PTPRQ: variants seen among roughly 807,000 people sequenced by gnomAD.
The protein encoded by PTPRQ is protein tyrosine phosphatase receptor type Q.
Under a neutral mutation model 246.0 loss-of-function variants are expected in PTPRQ, and 199 were observed. That is an observed-to-expected ratio of 0.81 (90% CI 0.72 to 0.91). The LOEUF (loss-of-function observed/expected upper bound fraction) is 0.91. PTPRQ is among the 40% of genes least tolerant of loss of function. The pLI, the probability that PTPRQ is intolerant of heterozygous loss-of-function variation, is 0.00. For missense variants in PTPRQ, 2,624 were observed against 2,528.4 expected (o/e 1.04, Z -0.81); for synonymous variants, 869 against 853.2 (o/e 1.02, Z -0.32).
At chr12:80,642,940 A>C (rs911588009) in intron 35 of PTPRQ, among the ~76,000 whole-genome samples, 29 of 138,338 alleles carry the variant, frequency 2.1e-4, no homozygotes, top group Admixed American at 8.7e-4. Context: ...AAAAAAAAAA[A>C]AAAAAACAAT....
chr12:80,638,694 C>T (rs1303870883), intron 35 of PTPRQ, among the ~76,000 whole-genome samples: 2 of 152,112 alleles, frequency 1.3e-5, no homozygotes, highest in African/African-American at 4.8e-5. Context: ...TGCCTTCTCT[C>T]ACTCTATCAT....
chr12:80,667,714 T>C (rs1283902516), intron 39 of PTPRQ, among the ~76,000 whole-genome samples: 2 of 151,978 alleles, frequency 1.3e-5, no homozygotes, highest in Non-Finnish European at 2.9e-5. Context: ...TTAATGGTCC[T>C]TCACTCTGGA....
intron 26 of PTPRQ, among the ~76,000 whole-genome samples, chr12:80,594,481 G>A (rs1432841776): frequency 6.6e-6 from 1 of 152,060 alleles, no homozygotes; most frequent in Non-Finnish European, 1.5e-5. Context: ...AGTTACACAG[G>A]ACTCCCTAAT....
Position 80,632,308 on chromosome 12 carries a change from C to T in PTPRQ, c.5786+17C>T. The T allele has an allele frequency of 1.3e-6, 2 of 1,551,146 alleles. No homozygotes were observed. Among genetic ancestry groups the T allele is most frequent in the Non-Finnish European group, 1.7e-6 (2 of 1,146,794 alleles). ...ATTTGCAAGGTAAGATTTATTTGCG[C>T]TTACATTCCAGGATGCTTTATGGGC... On this transcript the variant is annotated intron_variant, in intron 34 of 44. Transcript: ENST00000644991.
intron 33 of PTPRQ, among the ~76,000 whole-genome samples, chr12:80,629,850 G>A (rs1899355054): frequency 6.6e-6 from 1 of 152,218 alleles, no homozygotes; most frequent in Middle Eastern, 3.4e-3. Flanking sequence ...AAAGTGAATG[G>A]AACATACATA....
intron 17 of PTPRQ, among the ~76,000 whole-genome samples, chr12:80,530,863 A>C (rs1334137686): frequency 6.6e-6 from 1 of 152,094 alleles, no homozygotes; most frequent in Non-Finnish European, 1.5e-5. Flanking sequence ...TAAAATTTTA[A>C]AAAGCATTCA....
chr12:80,450,093 G>A (rs11519621), intron 3 of PTPRQ, among the ~76,000 whole-genome samples: 47,504 of 151,720 alleles, frequency 0.31, 7,787 homozygotes, highest in African/African-American at 0.37. Context: ...GGTCCTTCAC[G>A]TCCCTTGTAA....
intron 25 of PTPRQ, among the ~76,000 whole-genome samples, chr12:80,574,765 C>T (rs34673271): frequency 0.06 from 9,079 of 152,148 alleles, 480 homozygotes; most frequent in African/African-American, 0.14. Context: ...GGTTGTTATA[C>T]GTGTCAGCTA....
intron 17 of PTPRQ, among the ~76,000 whole-genome samples, chr12:80,522,269 C>T (rs888251007): frequency 1.3e-5 from 2 of 152,240 alleles, no homozygotes; most frequent in East Asian, 1.9e-4. Context: ...TGGGCTGAGA[C>T]GATGGAGTTT....
intron 3 of PTPRQ, chr12:80,454,530 A>G (rs573823756): frequency 8.0e-5 from 56 of 702,340 alleles, no homozygotes; most frequent in South Asian, 7.8e-4. Context: ...GAGAGTAGAC[A>G]TCCTACTTTT....
intron 19 of PTPRQ, among the ~76,000 whole-genome samples, chr12:80,535,587 A>G (rs1895962723): frequency 6.6e-6 from 1 of 152,186 alleles, no homozygotes; most frequent in Non-Finnish European, 1.5e-5. Context: ...TTAATTTGTC[A>G]TAGATAAGAT....
chr12:80,541,713 A>G lies in PTPRQ; in HGVS notation c.3313A>G (p.Thr1105Ala), dbSNP rs186746372. Residue 1105 changes from threonine (T) to alanine (A), a missense_variant, in exon 21 of 45, where the codon ACA becomes GCA. Coordinates refer to ENST00000644991, the MANE Select transcript of PTPRQ (RefSeq NM_001145026.2). ...TCGCCATGTGAGACCACCTCTTGTT[A>G]CATATGAGAGAAGCATATATTTTGA... is the stretch of plus-strand genomic sequence containing the variant. ...TPRHVRPPLVTYERSIYFDNL... is the reference protein window; with the variant it reads ...TPRHVRPPLVAYERSIYFDNL... 3,139 of 1,551,370 alleles carry G rather than the reference A, an allele frequency of 2.0e-3. 4 individuals carry two copies. Among genetic ancestry groups the G allele is most frequent in the Non-Finnish European group, 2.5e-3 (2,893 of 1,146,734 alleles).
At chr12:80,568,792 T>G (rs1245052283) in intron 25 of PTPRQ, among the ~76,000 whole-genome samples, 1 of 152,204 alleles carries the variant, frequency 6.6e-6, no homozygotes, top group Admixed American at 6.5e-5. Context: ...GACCAATCAA[T>G]GACAGATTTT....
chr12:80,602,429 G>A (rs1409533611), intron 26 of PTPRQ, among the ~76,000 whole-genome samples: 1 of 151,740 alleles, frequency 6.6e-6, no homozygotes, highest in East Asian at 1.9e-4. Context: ...CAGAGACTTG[G>A]TAATTTGTAA....
intron 26 of PTPRQ, among the ~76,000 whole-genome samples, chr12:80,600,077 A>C (rs1335239373): frequency 1.3e-5 from 2 of 151,884 alleles, no homozygotes; most frequent in Non-Finnish European, 2.9e-5. Flanking sequence ...CTTTTAAAAA[A>C]TGAAGAAAGA....
At chr12:80,620,068 A>G in intron 31 of PTPRQ, 86 bp from the exon 32 acceptor site, 1 of 1,423,140 alleles carries the variant, frequency 7.0e-7, no homozygotes, top group Non-Finnish European at 9.3e-7. Context: ...GAGTCCCCTT[A>G]TACAATTATA....
chr12:80,502,318 C>T (rs1444250393), intron 14 of PTPRQ, among the ~76,000 whole-genome samples: 1 of 151,756 alleles, frequency 6.6e-6, no homozygotes, highest in Non-Finnish European at 1.5e-5. Context: ...GAGGGCATAT[C>T]AGAGGTTTGT....
chr12:80,446,556 A>T (rs1212625417), intron 3 of PTPRQ, among the ~76,000 whole-genome samples: 1 of 151,746 alleles, frequency 6.6e-6, no homozygotes, highest in Non-Finnish European at 1.5e-5. Flanking sequence ...CATTGTACCC[A>T]ATAGGTAATT....
At chr12:80,674,934 A>T (rs982804897) in intron 43 of PTPRQ, among the ~76,000 whole-genome samples, 5 of 152,054 alleles carry the variant, frequency 3.3e-5, no homozygotes, top group Admixed American at 1.3e-4. Context: ...AGTCTTGCCA[A>T]TTTTTTGTCA....
Sources: allele counts gnomAD v4.1 joint callset (sites outside exome capture counted in the v4.1 genomes callset), GRCh38; gene constraint gnomAD v4.1.1; transcripts MANE v1.5; gene names NCBI Gene and HGNC (gene_info 2026-07-23, HGNC 2026-07-21).